The following APC variants were observed in gnomAD, a reference collection of about 807,000 sequenced individuals.
The protein encoded by APC is APC regulator of Wnt signaling pathway, also known as adenomatous polyposis coli protein.
In APC, 72 loss-of-function variants were observed where a neutral mutation model predicts 247.0. The ratio of observed to expected loss-of-function variants is 0.29; its 90% CI spans 0.24 to 0.35. APC has a LOEUF of 0.35. Ranked by LOEUF, APC falls within the 10% of genes least tolerant of loss-of-function variation. APC has a pLI of 1.00. For synonymous variants in APC, 1,254 were observed against 1,162.5 expected (o/e 1.08, Z -1.60); for missense variants, 3,400 against 3,360.7 (o/e 1.01, Z -0.29).
intron 7 of APC, 108 bp from the exon 8 acceptor site, chr5:112,801,171 T>C: frequency 1.3e-6 from 1 of 747,780 alleles, no homozygotes; most frequent in Non-Finnish European, 2.3e-6. Flanking sequence ...TTTATCAGTC[T>C]GTATAATTGA....
At chr5:112,811,630 C>T (rs1561530062) in intron 8 of APC, among the ~76,000 whole-genome samples, 1 of 152,108 alleles carries the variant, frequency 6.6e-6, no homozygotes, top group Non-Finnish European at 1.5e-5. Context: ...AAGACTGAAG[C>T]TTAGAAAAGA....
intron 2 of APC, among the ~76,000 whole-genome samples, chr5:112,760,817 T>C (rs1337351743): frequency 6.6e-6 from 1 of 152,074 alleles, no homozygotes; most frequent in Admixed American, 6.5e-5. Flanking sequence ...AATCCATTTT[T>C]TTTTTTTTTC....
chr5:112,814,534 A>G (rs1447837640), intron 8 of APC, among the ~76,000 whole-genome samples: 3 of 152,180 alleles, frequency 2.0e-5, no homozygotes, highest in Non-Finnish European at 2.9e-5. Context: ...CTTCAGTTCA[A>G]GCCAATTAAT....
At chr5:112,750,342 A>G (rs376738633) in intron 1 of APC, among the ~76,000 whole-genome samples, 60 of 152,266 alleles carry the variant, frequency 3.9e-4, no homozygotes, top group African/African-American at 7.5e-4. Context: ...CCTTGATTCT[A>G]TAAGCAGTGA....
At chr5:112,729,756 A>T (rs1751999621) in intron 1 of APC, among the ~76,000 whole-genome samples, 1 of 152,240 alleles carries the variant, frequency 6.6e-6, no homozygotes. Flanking sequence ...TCCTTTTACC[A>T]TATAATGTAG....
rs121913224 is a variant in APC, at chr5:112,839,514, TAAAAG to T, written c.3927_3931del (p.Glu1309AspfsTer4). ...GCTAATACCCTGCAAATAGCAGAAA[TAAAAG>T]AAAAGATTGGAACTAGGTCAGCTGA... On this transcript the variant is annotated frameshift_variant, in exon 16 of 16. Coordinates refer to ENST00000257430, the MANE Select transcript of APC (RefSeq NM_000038.6). LOFTEE classifies it high-confidence loss of function. This position sits in a 1 kb window ranked among gnomAD's most constrained non-coding sequence, Gnocchi z 5.0. 7.4e-6 allele frequency: 12 copies of T among 1,614,038 alleles called. No homozygotes were observed. Among genetic ancestry groups the T allele is most frequent in the East Asian group, 2.2e-5 (1 of 44,880 alleles).
chr5:112,716,135 C>G (rs1751158491), intron 1 of APC, among the ~76,000 whole-genome samples: 1 of 151,942 alleles, frequency 6.6e-6, no homozygotes, highest in Non-Finnish European at 1.5e-5. Context: ...TTCCCTGCTG[C>G]TTTTTGGGGT....
chr5:112,822,492 T>G (rs1242112296), intron 11 of APC, among the ~76,000 whole-genome samples: 2 of 152,204 alleles, frequency 1.3e-5, no homozygotes, highest in African/African-American at 2.4e-5. Flanking sequence ...TTGGTTAATA[T>G]AGAAAAGTAT....
intron 5 of APC, among the ~76,000 whole-genome samples, chr5:112,780,504 A>T (rs1272059597): frequency 6.6e-6 from 1 of 152,156 alleles, no homozygotes; most frequent in East Asian, 1.9e-4. Context: ...ACCTCACTCT[A>T]ACTGGACCAA....
intron 9 of APC, among the ~76,000 whole-genome samples, chr5:112,815,814 T>C (rs2149765454): frequency 6.6e-6 from 1 of 152,166 alleles, no homozygotes; most frequent in East Asian, 1.9e-4. Context: ...CACACACCTG[T>C]GGTCCCAGCT....
intron 2 of APC, among the ~76,000 whole-genome samples, chr5:112,763,621 A>C (rs1375137673): frequency 6.6e-6 from 1 of 152,162 alleles, no homozygotes; most frequent in Non-Finnish European, 1.5e-5. Context: ...AGGATTTTTT[A>C]TTTTTAAACT....
At chr5:112,772,516 CT>C (rs35444319) in intron 4 of APC, among the ~76,000 whole-genome samples, 15,619 of 138,202 alleles carry the variant, frequency 0.11, 952 homozygotes, top group Non-Finnish European at 0.16. Flanking sequence ...ATGCCCAGCT[CT>C]TTTTTTTTTT....
chr5:112,727,528 T>C (rs1751856815), intron 1 of APC, among the ~76,000 whole-genome samples: 2 of 152,216 alleles, frequency 1.3e-5, no homozygotes, highest in Non-Finnish European at 2.9e-5. Context: ...CAATTTTGTT[T>C]TTAACATCAG....
At position 112,834,799 on chromosome 5, in the gene APC, A is replaced by G. The variant is rs1019168854; in HGVS notation, c.1744-152A>G. On this transcript the variant is annotated intron_variant, in intron 14 of 15. Transcript: ENST00000257430. ...AAATACTATTTGGTATTTTATGAAC[A>G]TTTTTCTAAATGGAAAGTTCTTAAT... is the stretch of plus-strand genomic sequence containing the variant. 30 of 706,614 alleles carry G rather than the reference A, an allele frequency of 4.2e-5. No individual in the cohort carries two copies. In the African/African-American group the frequency reaches 5.2e-4, roughly 12 times the overall value. 43.8% of individuals were successfully genotyped at this position (706,614 alleles called of 1,614,324 possible). A position where few individuals can be genotyped will look rare whatever the true frequency, so the allele number is the denominator to read the frequency against.
rs73791450 is a variant in APC at position 112,751,478 on chromosome 5, A to C, written c.-18-3395A>C. Among the ~76,000 whole-genome samples, 1,218 of 152,156 alleles carry C rather than the reference A, an allele frequency of 8.0e-3. 15 individuals carry two copies. Among genetic ancestry groups the C allele is most frequent in the African/African-American group, 0.027 (1,138 of 41,554 alleles). ...TGAATCTTGGTATACCAGAATAAGA[A>C]ACGTCTTTCCATTTGTTGAAGTCTA... On this transcript the variant is annotated intron_variant, in intron 1 of 15. Coordinates refer to ENST00000257430, the MANE Select transcript of APC (RefSeq NM_000038.6).
chr5:112,749,715 G>C (rs1398585195), intron 1 of APC, among the ~76,000 whole-genome samples: 1 of 151,640 alleles, frequency 6.6e-6, no homozygotes, highest in Admixed American at 6.6e-5. Context: ...TCGATCTCCT[G>C]ACCTCGTGAT....
chr5:112,806,884 G>A (rs1413885923), intron 8 of APC, among the ~76,000 whole-genome samples: 1 of 152,180 alleles, frequency 6.6e-6, no homozygotes, highest in Non-Finnish European at 1.5e-5. Context: ...TGTAATCCCA[G>A]CACTTTGGGA....
intron 4 of APC, 71 bp from the exon 5 acceptor site, chr5:112,775,558 G>A (rs915573166): frequency 3.4e-6 from 3 of 889,988 alleles, no homozygotes; most frequent in South Asian, 3.0e-5. Context: ...AACAACTGAT[G>A]TAAGTATTGC....
intron 9 of APC, among the ~76,000 whole-genome samples, chr5:112,816,035 TCCA>T (rs1211701919): frequency 6.6e-6 from 1 of 152,238 alleles, no homozygotes; most frequent in African/African-American, 2.4e-5. Flanking sequence ...AGTCTTTACA[TCCA>T]CTTTTCTGCA....
Sources: gnomAD v4.1 joint callset for allele counts (sites outside exome capture counted in the v4.1 genomes callset) on GRCh38, gnomAD v4.1.1 for gene constraint, Gnocchi (gnomAD v3.1) non-coding constraint, MANE v1.5 for transcripts, NCBI Gene and HGNC (gene_info 2026-07-23, HGNC 2026-07-21) for gene names.